Variants in MAPKAP1 observed in about 807,000 individuals in gnomAD.
The protein encoded by MAPKAP1 is MAPK associated protein 1.
Under a neutral mutation model 65.7 loss-of-function variants are expected in MAPKAP1, and 20 were observed. That is an observed-to-expected ratio of 0.30 (90% CI 0.21 to 0.44). MAPKAP1 has a LOEUF of 0.44. Ranked by LOEUF, MAPKAP1 falls within the 20% of genes least tolerant of loss-of-function variation. The probability of loss-of-function intolerance (pLI) is 1.00; values close to 1 mark genes in which losing one functional copy is unlikely to be tolerated. For synonymous variants in MAPKAP1, 222 were observed against 244.3 expected, an observed-to-expected ratio of 0.91 and a Z score of 0.85; for missense variants, 423 against 648.0, an observed-to-expected ratio of 0.65 and a Z score of 3.77.
At chr9:125,584,960 G>A (rs567558463) in intron 5 of MAPKAP1, among the ~76,000 whole-genome samples, 2 of 152,324 alleles carry the variant, frequency 1.3e-5, no homozygotes, top group Admixed American at 1.3e-4. Context: ...CCTAGTGACT[G>A]AGAGAAAATT....
intron 8 of MAPKAP1, among the ~76,000 whole-genome samples, chr9:125,501,777 T>G (rs1232936796): frequency 1.3e-5 from 2 of 152,120 alleles, no homozygotes. Context: ...AATTTTAATA[T>G]TTTTGGTATA....
intron 4 of MAPKAP1, among the ~76,000 whole-genome samples, chr9:125,596,805 G>A (rs1279056876): frequency 2.6e-5 from 4 of 152,144 alleles, no homozygotes; most frequent in Non-Finnish European, 5.9e-5. Context: ...CTCGAGGACT[G>A]TATTTGTGAC....
At chr9:125,541,377 T>A (rs1057404598) in intron 7 of MAPKAP1, among the ~76,000 whole-genome samples, 4 of 152,200 alleles carry the variant, frequency 2.6e-5, no homozygotes, top group Admixed American at 6.5e-5. Context: ...GTGGAATTTC[T>A]ACTAAGAAGC....
chr9:125,682,023 A>G (rs942162703), intron 1 of MAPKAP1, among the ~76,000 whole-genome samples: 1 of 152,232 alleles, frequency 6.6e-6, no homozygotes, highest in African/African-American at 2.4e-5. Flanking sequence ...TGGCATCCCA[A>G]AGAGTTGGGA....
chr9:125,504,002 G>A (rs1829066753), intron 8 of MAPKAP1, among the ~76,000 whole-genome samples: 1 of 149,630 alleles, frequency 6.7e-6, no homozygotes, highest in Non-Finnish European at 1.5e-5. Flanking sequence ...CTCCCAAAGT[G>A]CTGGGATTAC....
At chr9:125,598,983 T>C (rs1832221625) in intron 4 of MAPKAP1, among the ~76,000 whole-genome samples, 1 of 147,522 alleles carries the variant, frequency 6.8e-6, no homozygotes, top group African/African-American at 2.5e-5. Flanking sequence ...GAGGTTACAG[T>C]GAGCCAGCAC....
chr9:125,557,333 AG>A (rs1389942250), intron 6 of MAPKAP1, among the ~76,000 whole-genome samples: 4 of 152,134 alleles, frequency 2.6e-5, no homozygotes, highest in African/African-American at 9.7e-5. Context: ...ACATTCATGT[AG>A]AAAAAGTTCT....
intron 9 of MAPKAP1, among the ~76,000 whole-genome samples, chr9:125,470,593 C>G (rs1328602916): frequency 1.3e-5 from 2 of 152,220 alleles, no homozygotes; most frequent in Non-Finnish European, 2.9e-5. Flanking sequence ...TATAGTTCAT[C>G]CATTACCAGC....
intron 1 of MAPKAP1, among the ~76,000 whole-genome samples, chr9:125,673,923 C>T (rs1290071126): frequency 6.6e-6 from 1 of 150,594 alleles, no homozygotes; most frequent in East Asian, 1.9e-4. Context: ...GCCTGGGTGA[C>T]ATAGTGAGAC....
intron 4 of MAPKAP1, among the ~76,000 whole-genome samples, chr9:125,617,220 G>C (rs537965816): frequency 2.0e-5 from 3 of 152,342 alleles, no homozygotes; most frequent in African/African-American, 7.2e-5. Flanking sequence ...CAGAACTTGA[G>C]AGGATGAGAC....
At chr9:125,592,902 CAA>C (rs35339033) in intron 4 of MAPKAP1, among the ~76,000 whole-genome samples, 2 of 70,968 alleles carry the variant, frequency 2.8e-5, no homozygotes, top group African/African-American at 6.8e-5. Context: ...GACTCCGTCT[CAA>C]AAAAAAAAAA....
At chr9:125,572,696 A>T (rs1433195307) in intron 5 of MAPKAP1, among the ~76,000 whole-genome samples, 1 of 152,212 alleles carries the variant, frequency 6.6e-6, no homozygotes, top group South Asian at 2.1e-4. Context: ...GGCACATTAC[A>T]ATCAGCTAAC....
chr9:125,640,474 C>A (rs1005142321), intron 4 of MAPKAP1, among the ~76,000 whole-genome samples: 1 of 152,048 alleles, frequency 6.6e-6, no homozygotes, highest in African/African-American at 2.4e-5. Flanking sequence ...AATGCACCCC[C>A]GAGACCACTT....
intron 9 of MAPKAP1, among the ~76,000 whole-genome samples, chr9:125,480,768 C>G (rs527417550): frequency 1.6e-4 from 24 of 151,362 alleles, no homozygotes; most frequent in Non-Finnish European, 2.8e-4. Context: ...GTCAGGAGAT[C>G]GAGACCATCC....
At position 125,568,812 on chromosome 9, in the gene MAPKAP1, G is replaced by A. The variant is rs150087042; in HGVS notation, c.672-9003C>T. On this transcript the variant is annotated intron_variant, in intron 5 of 11. Transcript: ENST00000265960. The stretch of plus-strand genomic sequence containing the variant: ...AAGCTGGATCACTGGGGCCGCTCAG[G>A]GAAAGGGAATCCAGAAGCCTGGCAT... 8.9e-3 allele frequency: 1,470 copies of A among 165,964 alleles called. 13 individuals carry two copies. Among genetic ancestry groups the A allele is most frequent in the Middle Eastern group, 0.038 (17 of 442 alleles). The allele number at this position is 165,964 out of a possible 1,614,324, so 10.3% of individuals were successfully genotyped here.
chr9:125,697,024 G>A (rs1010236144), intron 1 of MAPKAP1, among the ~76,000 whole-genome samples: 2 of 152,138 alleles, frequency 1.3e-5, no homozygotes, highest in African/African-American at 2.4e-5. Context: ...AGGCCTACTC[G>A]TTGTCCCTGT....
chr9:125,543,381 C>T (rs1444873868), intron 6 of MAPKAP1, among the ~76,000 whole-genome samples: 1 of 152,016 alleles, frequency 6.6e-6, no homozygotes, highest in Non-Finnish European at 1.5e-5. Context: ...ATTCTCCTGC[C>T]TCAGCCTCCC....
intron 4 of MAPKAP1, among the ~76,000 whole-genome samples, chr9:125,637,004 C>T (rs1359072171): frequency 1.3e-5 from 2 of 152,174 alleles, no homozygotes; most frequent in Non-Finnish European, 2.9e-5. Flanking sequence ...CACGGTGGCT[C>T]ACGCTTGTAA....
intron 4 of MAPKAP1, among the ~76,000 whole-genome samples, chr9:125,637,629 T>G (rs559183835): frequency 4.2e-4 from 64 of 152,326 alleles, no homozygotes; most frequent in African/African-American, 1.5e-3. Flanking sequence ...ACAGGCCAGT[T>G]CCTCTGTGGG....
Sources: allele counts gnomAD v4.1 joint callset (sites outside exome capture counted in the v4.1 genomes callset), GRCh38; gene constraint gnomAD v4.1.1; transcripts MANE v1.5; gene names NCBI Gene and HGNC (gene_info 2026-07-23, HGNC 2026-07-21).